Variants in CNBD1 observed in about 807,000 individuals in gnomAD.
CNBD1 encodes cyclic nucleotide-binding domain-containing protein 1.
In CNBD1, 71 loss-of-function variants were observed where a neutral mutation model predicts 54.4. The ratio of observed to expected loss-of-function variants is 1.30; its 90% CI spans 1.08 to 1.59. CNBD1 has a LOEUF of 1.59. CNBD1 is among the 40% of genes most tolerant of loss of function. The pLI is 0.00. For missense variants in CNBD1, 659 were observed against 518.0 expected (o/e 1.27, Z -2.64); for synonymous variants, 182 against 170.7 (o/e 1.07, Z -0.51).
chr8:87,300,749 G>C (rs887965423), intron 8 of CNBD1, among the ~76,000 whole-genome samples: 9 of 152,026 alleles, frequency 5.9e-5, no homozygotes, highest in Non-Finnish European at 1.0e-4. Context: ...TGTTTGGAGG[G>C]TGAAGGCCTC....
chr8:87,274,034 T>C (rs1489606438), intron 6 of CNBD1, among the ~76,000 whole-genome samples: 5 of 150,914 alleles, frequency 3.3e-5, no homozygotes, highest in Admixed American at 2.0e-4. Context: ...GGTTTTTTGT[T>C]CTTGCGATAG....
intron 4 of CNBD1, among the ~76,000 whole-genome samples, chr8:87,155,344 G>A (rs978046811): frequency 2.6e-5 from 4 of 152,146 alleles, no homozygotes; most frequent in African/African-American, 9.7e-5. Context: ...GACATTGCCA[G>A]ATTTGCATTT....
intron 3 of CNBD1, among the ~76,000 whole-genome samples, chr8:86,913,119 G>A (rs1809129951): frequency 6.6e-6 from 1 of 152,044 alleles, no homozygotes; most frequent in Non-Finnish European, 1.5e-5. Context: ...GTTACAATAA[G>A]CAAAGGGTAA....
chr8:87,361,259 T>C (rs1018002173), intron 10 of CNBD1, among the ~76,000 whole-genome samples: 5 of 151,966 alleles, frequency 3.3e-5, no homozygotes, highest in African/African-American at 9.7e-5. Context: ...ATTTTAAAAA[T>C]GTAAGTTACA....
At chr8:87,330,728 C>T (rs1809808053) in intron 8 of CNBD1, among the ~76,000 whole-genome samples, 1 of 152,004 alleles carries the variant, frequency 6.6e-6, no homozygotes, top group East Asian at 1.9e-4. Context: ...TGTGAATGTT[C>T]TATGTTCAGA....
intron 4 of CNBD1, among the ~76,000 whole-genome samples, chr8:87,176,918 A>G (rs1465211730): frequency 6.6e-6 from 1 of 152,178 alleles, no homozygotes; most frequent in Non-Finnish European, 1.5e-5. Context: ...AAAATACATT[A>G]TCTTTTATAA....
At chr8:87,368,457 G>A (rs1810688760) in intron 10 of CNBD1, among the ~76,000 whole-genome samples, 1 of 151,864 alleles carries the variant, frequency 6.6e-6, no homozygotes, top group Admixed American at 6.6e-5. Context: ...GCAACATAGT[G>A]AGACCCTGTC....
chr8:87,208,393 ATTAT>A (rs1466818280), intron 5 of CNBD1, among the ~76,000 whole-genome samples: 3 of 151,886 alleles, frequency 2.0e-5, no homozygotes, highest in Non-Finnish European at 4.4e-5. Flanking sequence ...ATATTATTAT[ATTAT>A]TTACTGACTA....
chr8:87,305,299 G>T (rs1188670533), intron 8 of CNBD1, among the ~76,000 whole-genome samples: 4 of 152,138 alleles, frequency 2.6e-5, no homozygotes, highest in African/African-American at 9.7e-5. Flanking sequence ...TCATGGATGG[G>T]TAGAACTGAT....
chr8:87,013,628 TTTTG>T (rs1396632241), intron 4 of CNBD1, among the ~76,000 whole-genome samples: 1 of 151,604 alleles, frequency 6.6e-6, no homozygotes, highest in African/African-American at 2.4e-5. Context: ...TTGTTTTGTT[TTTTG>T]TTTTTTGTTT....
chr8:87,268,968 T>G (rs1808313540), intron 6 of CNBD1, among the ~76,000 whole-genome samples: 1 of 152,120 alleles, frequency 6.6e-6, no homozygotes, highest in African/African-American at 2.4e-5. Context: ...TGCAATTACC[T>G]TTGGGGACTT....
Position 87,351,670 on chromosome 8 carries a change from C to G in CNBD1, c.1043-15C>G. 6.8e-7 allele frequency: 1 copy of G among 1,475,702 alleles called. No individual in the cohort carries two copies. The highest frequency in any genetic ancestry group is 9.0e-7 in the Non-Finnish European group (1 of 1,116,006). 91.4% of individuals were successfully genotyped at this position (1,475,702 alleles called of 1,614,324 possible). A position where few individuals can be genotyped will look rare whatever the true frequency, so the allele number is the denominator to read the frequency against. ...GACAAGAATGTGTGAAATGAACTAT[C>G]TCTCTTCTTTTCAGTGATAGTGGAA... On this transcript the variant is annotated splice_polypyrimidine_tract_variant and intron_variant, in intron 8 of 10. Transcript: ENST00000518476.
At position 87,377,424 on chromosome 8, in the gene CNBD1, T is replaced by C. The variant is rs1434208892; in HGVS notation, c.1304-5196T>C. On this transcript the variant is annotated intron_variant, in intron 10 of 10. Coordinates refer to ENST00000518476, the MANE Select transcript of CNBD1 (RefSeq NM_173538.3). The stretch of plus-strand genomic sequence containing the variant: ...GGTGTTTGGTTTTTTGTTCTTGCGA[T>C]AGTTTATTGAGAATGATGATTTCCA... 7.2e-5 allele frequency among the ~76,000 whole-genome samples: 11 copies of C among 151,900 alleles called. No individual in the cohort carries two copies. The South Asian group carries it at 2.3e-3, about 32-fold the overall frequency.
At chr8:86,917,839 C>G (rs868430679) in intron 3 of CNBD1, among the ~76,000 whole-genome samples, 1 of 152,064 alleles carries the variant, frequency 6.6e-6, no homozygotes, top group Non-Finnish European at 1.5e-5. Flanking sequence ...ATGAAATTTA[C>G]AGAAAATTGT....
chr8:87,243,613 C>T (rs1268527101), intron 6 of CNBD1, among the ~76,000 whole-genome samples: 1 of 152,110 alleles, frequency 6.6e-6, no homozygotes, highest in Non-Finnish European at 1.5e-5. Flanking sequence ...TATTCATGGG[C>T]ATTTTTGAAA....
chr8:87,027,261 T>G (rs76880267), intron 4 of CNBD1, among the ~76,000 whole-genome samples: 4,626 of 152,166 alleles, frequency 0.03, 244 homozygotes, highest in African/African-American at 0.1. Flanking sequence ...ATGGCAGTTT[T>G]ATTTTTATTT....
At chr8:87,090,195 G>C (rs1413052928) in intron 4 of CNBD1, among the ~76,000 whole-genome samples, 1 of 152,090 alleles carries the variant, frequency 6.6e-6, no homozygotes. Context: ...TTCCTTCTGG[G>C]CTATGATTTG....
At chr8:87,019,644 G>A (rs182169181) in intron 4 of CNBD1, among the ~76,000 whole-genome samples, 117 of 152,230 alleles carry the variant, frequency 7.7e-4, no homozygotes, top group Middle Eastern at 3.4e-3. Flanking sequence ...TTGGGAGGCC[G>A]AGGTGGGCGG....
At chr8:87,033,726 A>G (rs929229992) in intron 4 of CNBD1, among the ~76,000 whole-genome samples, 13 of 152,124 alleles carry the variant, frequency 8.5e-5, no homozygotes, top group South Asian at 4.1e-4. Context: ...TCAGGTACAT[A>G]TATCATTTCT....
Sources: gnomAD v4.1 joint callset for allele counts (sites outside exome capture counted in the v4.1 genomes callset) on GRCh38, gnomAD v4.1.1 for gene constraint, MANE v1.5 for transcripts, NCBI Gene and HGNC (gene_info 2026-07-23, HGNC 2026-07-21) for gene names.